EFCAB13: variants seen among roughly 807,000 people sequenced by gnomAD.
The protein encoded by EFCAB13 is EF-hand calcium binding domain 13.
In EFCAB13, 91 loss-of-function variants were observed where a neutral mutation model predicts 110.2. That is an observed-to-expected ratio of 0.83 (90% confidence interval 0.70 to 0.98). EFCAB13 has a LOEUF of 0.98. EFCAB13 is among the 50% of genes least tolerant of loss of function. EFCAB13 has a pLI of 0.00. For synonymous variants in EFCAB13, 323 were observed against 369.9 expected (o/e 0.87, Z 1.45); for missense variants, 968 against 1,119.4 (o/e 0.86, Z 1.93).
At position 47,414,844 on chromosome 17, in the gene EFCAB13, C is replaced by A; in HGVS notation, c.2423-4C>A. 6.3e-7 allele frequency: 1 copy of A among 1,590,812 alleles called. No homozygotes were observed. Among genetic ancestry groups the A allele is most frequent in the Non-Finnish European group, 8.6e-7 (1 of 1,165,018 alleles). On this transcript the variant is annotated splice_polypyrimidine_tract_variant and splice_region_variant and intron_variant, in intron 22 of 24. Coordinates refer to ENST00000331493, the MANE Select transcript of EFCAB13 (RefSeq NM_152347.5). ...TGTCAGCATTTTTTACTTTGACCTT[C>A]CAGATAATATGGAGGTGGATTTAAA...
chr17:47,351,860 G>A (rs756006837), intron 9 of EFCAB13, among the ~76,000 whole-genome samples: 6 of 149,678 alleles, frequency 4.0e-5, no homozygotes, highest in Middle Eastern at 3.2e-3. Context: ...TCTTTGCCTA[G>A]ACCAATGTCA....
chr17:47,346,442 C>CCT lies in EFCAB13; in HGVS notation c.517+1345_517+1346insTC, dbSNP rs1555578096. 3.2e-4 allele frequency among the ~76,000 whole-genome samples: 45 copies of CCT among 140,356 alleles called. 2 individuals carry two copies. Among genetic ancestry groups the CCT allele is most frequent in the Non-Finnish European group, 5.8e-4 (37 of 64,224 alleles). The allele number at this position is 140,356 out of a possible 152,430, so 92.1% of individuals were successfully genotyped here. On this transcript the variant is annotated intron_variant, in intron 8 of 24. Coordinates refer to ENST00000331493, the MANE Select transcript of EFCAB13 (RefSeq NM_152347.5). ...GTATATAACGTACTTTACCCCCCCCCCCATTTATCTGACATTTAGGTTGTT... is the reference window on the plus strand; with the variant it reads ...GTATATAACGTACTTTACCCCCCCCCCTCCATTTATCTGACATTTAGGTTGTT...
In EFCAB13 at chr17:47,440,643, A is replaced by G; in HGVS notation, c.2851A>G (p.Ile951Val). 3 of 1,608,072 alleles carry G rather than the reference A, an allele frequency of 1.9e-6. No homozygotes were observed. The highest frequency in any genetic ancestry group is 2.5e-6 in the Non-Finnish European group (3 of 1,178,254). The change falls in exon 25 of 25, where the codon ATT becomes GTT. Residue 951 changes from isoleucine to valine, a missense_variant. By Grantham distance (29) the Ile-to-Val change is conservative. Transcript: ENST00000331493. ...CAATATGAATATAAAACAACACAAG[A>G]TTAGTTTACATAACTTCTGTTTGAA... ...QYNMNIKQHKISLHNFCLNSK... is the reference protein window; with the variant it reads ...QYNMNIKQHKVSLHNFCLNSK...
At chr17:47,439,171 G>GTTTTTTTTTTTTTTTTTT (rs71141908) in intron 24 of EFCAB13, among the ~76,000 whole-genome samples, 3 of 73,868 alleles carry the variant, frequency 4.1e-5, no homozygotes, top group Non-Finnish European at 7.5e-5. Context: ...TCTTTGTTTT[G>GTTTTTTTTTTTTTTTTTT]TTTTTTTTTT....
At chr17:47,383,547 C>T (rs2065658595) in intron 14 of EFCAB13, among the ~76,000 whole-genome samples, 1 of 152,164 alleles carries the variant, frequency 6.6e-6, no homozygotes, top group African/African-American at 2.4e-5. Flanking sequence ...ACCCAGTAGT[C>T]ATTCAGGAGC....
chr17:47,426,853 A>G (rs1345589480), intron 23 of EFCAB13, among the ~76,000 whole-genome samples: 3 of 152,158 alleles, frequency 2.0e-5, no homozygotes, highest in Admixed American at 2.0e-4. Flanking sequence ...TTTGGTCTCA[A>G]AAGTCTCTAA....
At chr17:47,418,329 A>G (rs1461244952) in intron 23 of EFCAB13, among the ~76,000 whole-genome samples, 2 of 152,162 alleles carry the variant, frequency 1.3e-5, no homozygotes, top group South Asian at 2.1e-4. Context: ...ATTTTCCAGA[A>G]TAGGGCACTT....
intron 14 of EFCAB13, 52 bp downstream of exon 14, chr17:47,379,305 A>G (rs1374355043): frequency 7.0e-7 from 1 of 1,423,614 alleles, no homozygotes; most frequent in East Asian, 2.3e-5. Context: ...CAGTGTGTTG[A>G]GAAGAATTAG....
intron 3 of EFCAB13, among the ~76,000 whole-genome samples, chr17:47,327,731 A>G (rs2065295063): frequency 6.6e-6 from 1 of 152,234 alleles, no homozygotes; most frequent in Admixed American, 6.5e-5. Context: ...CTGGGATTAC[A>G]GACGTGAACC....
rs772617416 is a variant in EFCAB13, at chr17:47,440,490, C to T, written c.2698C>T (p.Pro900Ser). The T allele has an allele frequency of 4.2e-5, 68 of 1,610,526 alleles. No homozygotes were observed. The South Asian group carries it at 7.2e-4, about 17-fold the overall frequency. Residue 900 changes from proline to serine, a missense_variant, in exon 25 of 25, where the codon CCT becomes TCT. Coordinates refer to ENST00000331493, the MANE Select transcript of EFCAB13 (RefSeq NM_152347.5). ...TAAATTATCCGATATATTGACAATT[C>T]CTAAAGCTGCAGGTAAGTTTTATTT... is the stretch of plus-strand genomic sequence containing the variant. ...MTKLSDILTIPKAAGKFYLIC... is the reference protein window; with the variant it reads ...MTKLSDILTISKAAGKFYLIC...
At chr17:47,388,930 A>G (rs1235870441) in intron 14 of EFCAB13, among the ~76,000 whole-genome samples, 2 of 151,368 alleles carry the variant, frequency 1.3e-5, no homozygotes, top group Non-Finnish European at 2.9e-5. Context: ...TTTTTTTATT[A>G]TAACTGTTAT....
intron 24 of EFCAB13, among the ~76,000 whole-genome samples, chr17:47,437,360 T>C (rs1040498043): frequency 1.4e-4 from 21 of 152,202 alleles, no homozygotes; most frequent in Non-Finnish European, 7.4e-5. Context: ...CAGTGGAGTA[T>C]TGAAGTCCCC....
At chr17:47,357,182 TCA>T (rs1246464631) in intron 9 of EFCAB13, among the ~76,000 whole-genome samples, 1 of 152,144 alleles carries the variant, frequency 6.6e-6, no homozygotes, top group Non-Finnish European at 1.5e-5. Context: ...GCAAGCCGAC[TCA>T]CAGTTACTTG....
chr17:47,338,414 T>A (rs181153416), intron 5 of EFCAB13, among the ~76,000 whole-genome samples: 14 of 152,152 alleles, frequency 9.2e-5, no homozygotes, highest in Non-Finnish European at 1.9e-4. Flanking sequence ...CACGCCTGGC[T>A]AATTTTTAAA....
chr17:47,348,414 T>G (rs35016056), intron 9 of EFCAB13, among the ~76,000 whole-genome samples: 79,763 of 151,796 alleles, frequency 0.53, 21,424 homozygotes, highest in Middle Eastern at 0.58. Context: ...ATTTTTCTGT[T>G]TAAATAGTAT....
chr17:47,366,991 A>G (rs1402316168), intron 10 of EFCAB13, among the ~76,000 whole-genome samples: 2 of 152,238 alleles, frequency 1.3e-5, no homozygotes. Context: ...TTCAGTGATC[A>G]GATTCAAGAG....
intron 10 of EFCAB13, among the ~76,000 whole-genome samples, chr17:47,366,488 A>G (rs959160731): frequency 2.6e-5 from 4 of 152,196 alleles, no homozygotes; most frequent in Non-Finnish European, 5.9e-5. Flanking sequence ...GTTGCCTTGC[A>G]TATATGACCT....
At chr17:47,420,748 C>G (rs1243109205) in intron 23 of EFCAB13, among the ~76,000 whole-genome samples, 1 of 152,136 alleles carries the variant, frequency 6.6e-6, no homozygotes, top group Admixed American at 6.5e-5. Flanking sequence ...CCCCTCCGCC[C>G]GGCAGCCACC....
intron 14 of EFCAB13, among the ~76,000 whole-genome samples, chr17:47,388,979 T>C (rs779285075): frequency 6.6e-5 from 10 of 152,198 alleles, no homozygotes; most frequent in Non-Finnish European, 1.0e-4. Flanking sequence ...GTTTTAGTTT[T>C]GCATTTCCTT....
Sources: gnomAD v4.1 joint callset for allele counts (sites outside exome capture counted in the v4.1 genomes callset) on GRCh38, gnomAD v4.1.1 for gene constraint, MANE v1.5 for transcripts, NCBI Gene and HGNC (gene_info 2026-07-23, HGNC 2026-07-21) for gene names.